MAPT: variants seen among roughly 807,000 people sequenced by gnomAD.
MAPT encodes microtubule associated protein tau, also known as microtubule-associated protein tau.
MAPT carries 34 observed loss-of-function variants against 67.9 expected under a neutral mutation model. The observed-to-expected ratio is 0.50, with a 90% confidence interval of 0.38 to 0.67. The LOEUF (loss-of-function observed/expected upper bound fraction) is 0.67. Ranked by LOEUF, MAPT falls within the 30% of genes least tolerant of loss-of-function variation. MAPT has a pLI of 0.00. For missense variants in MAPT, 881 were observed against 1,115.2 expected (o/e 0.79, Z 2.99); for synonymous variants, 456 against 464.5 (o/e 0.98, Z 0.23).
In MAPT at chr17:45,996,667, G is replaced by A; in HGVS notation, c.1998+3G>A. The A allele has an allele frequency of 1.9e-6, 3 of 1,613,608 alleles. No individual in the cohort carries two copies. Among genetic ancestry groups the A allele is most frequent in the South Asian group, 1.1e-5 (1 of 91,038 alleles). On this transcript the variant is annotated splice_donor_region_variant and intron_variant, in intron 9 of 12. Coordinates refer to ENST00000262410, the MANE Select transcript of MAPT (RefSeq NM_001377265.1). The surrounding 1 kb of genome is among the most constrained non-coding windows in gnomAD (Gnocchi z 4.5). The stretch of plus-strand genomic sequence containing the variant: ...AGCACCAGCCGGGAGGCGGGAAGGT[G>A]AGAGTGGCTGGCTGCGCGTGGAGGT...
Position 46,015,925 on chromosome 17 carries a change from C to T in MAPT, c.2173+1601C>T, listed in dbSNP as rs747282834. Among the ~76,000 whole-genome samples, 15 of 152,200 alleles carry T rather than the reference C, an allele frequency of 9.9e-5. 1 individual carries two copies. In the Middle Eastern group the frequency reaches 0.014, roughly 138 times the overall value. On this transcript the variant is annotated intron_variant, in intron 11 of 12. Transcript: ENST00000262410. ...GAGATGCTGGCCTTAACCCCTAACC[C>T]GTTGTTCTCCCTGCAAGCTGTCCAC...
intron 2 of MAPT, among the ~76,000 whole-genome samples, chr17:45,966,043 G>T (rs916806883): frequency 4.6e-5 from 7 of 152,216 alleles, no homozygotes; most frequent in African/African-American, 1.4e-4. Flanking sequence ...AAGCTCTCTT[G>T]GGTGGAATCC....
In MAPT at chr17:46,026,753, G is replaced by A. The variant is rs1256948808; in HGVS notation, c.*2582G>A. 1.3e-5 allele frequency: 2 copies of A among 152,436 alleles called. No individual in the cohort carries two copies. Among genetic ancestry groups the A allele is most frequent in the Non-Finnish European group, 2.9e-5 (2 of 68,192 alleles). 9.4% of individuals were successfully genotyped at this position (152,436 alleles called of 1,614,324 possible). On this transcript the variant is annotated 3_prime_UTR_variant, in exon 13 of 13. Transcript: ENST00000262410. ...GACACTGTTCCCAAAGCCTTGACCA[G>A]AGCACCTCAGCCCGCTGACCTTGCA...
At chr17:45,965,195 G>A (rs915837763) in intron 2 of MAPT, among the ~76,000 whole-genome samples, 6 of 151,998 alleles carry the variant, frequency 3.9e-5, no homozygotes, top group Non-Finnish European at 7.4e-5. Flanking sequence ...ACTTTGGGAG[G>A]CTAAGGTGGG....
chr17:45,959,795 AT>A (rs759337228), intron 1 of MAPT, among the ~76,000 whole-genome samples: 5 of 152,144 alleles, frequency 3.3e-5, no homozygotes, highest in African/African-American at 4.8e-5. Flanking sequence ...AAAAAAAATT[AT>A]GGACAAAGTT....
At chr17:45,944,522 T>C (rs1334924239) in intron 1 of MAPT, among the ~76,000 whole-genome samples, 2 of 152,150 alleles carry the variant, frequency 1.3e-5, no homozygotes, top group East Asian at 3.9e-4. Context: ...GAGTCCTGGC[T>C]TCATGGGTGA....
chr17:45,959,349 A>AT (rs2070119649), intron 1 of MAPT, among the ~76,000 whole-genome samples: 2 of 152,072 alleles, frequency 1.3e-5, no homozygotes, highest in Non-Finnish European at 2.9e-5. Flanking sequence ...AAGCACAAAA[A>AT]TTTTTTGGCA....
intron 9 of MAPT, among the ~76,000 whole-genome samples, chr17:46,001,805 T>A (rs1044989101): frequency 6.6e-6 from 1 of 152,078 alleles, no homozygotes; most frequent in African/African-American, 2.4e-5. Context: ...CAGGGGCAGG[T>A]GAGCAGAGAA....
intron 3 of MAPT, chr17:45,972,787 GC>G (rs1464876996): frequency 6.5e-6 from 1 of 153,690 alleles, no homozygotes; most frequent in African/African-American, 2.4e-5. Context: ...GGCCAAAAGG[GC>G]CCTGAAACTA....
chr17:45,996,729 G>A lies in MAPT; in HGVS notation c.1998+65G>A. On this transcript the variant is annotated intron_variant, in intron 9 of 12. Coordinates refer to ENST00000262410, the MANE Select transcript of MAPT (RefSeq NM_001377265.1). This position sits in a 1 kb window ranked among gnomAD's most constrained non-coding sequence, Gnocchi z 4.5. ...CGCCTGGAGGGGTAGGGCTGTGCCT[G>A]GAAGGGTAGGGCTGCGCCTGGAGGT... 11 of 1,590,656 alleles carry A rather than the reference G, an allele frequency of 6.9e-6. No homozygotes were observed. The highest frequency in any genetic ancestry group is 8.6e-6 in the Non-Finnish European group (10 of 1,167,954).
chr17:45,944,205 T>C (rs1248681051), intron 1 of MAPT, among the ~76,000 whole-genome samples: 1 of 152,216 alleles, frequency 6.6e-6, no homozygotes, highest in Non-Finnish European at 1.5e-5. Context: ...AAATGAAGAA[T>C]TGCAGTTCAG....
At chr17:45,904,607 G>A (rs541381077) in intron 1 of MAPT, among the ~76,000 whole-genome samples, 85 of 150,426 alleles carry the variant, frequency 5.7e-4, no homozygotes, top group Non-Finnish European at 9.4e-4. Flanking sequence ...CAGGAGGATC[G>A]CTTGAGCCCA....
intron 1 of MAPT, among the ~76,000 whole-genome samples, chr17:45,923,960 G>A (rs1360548392): frequency 6.6e-6 from 1 of 152,188 alleles, no homozygotes; most frequent in Non-Finnish European, 1.5e-5. Flanking sequence ...GAATTAAGAT[G>A]GGTAAAGTGC....
chr17:45,999,791 G>T (rs868349096), intron 9 of MAPT: 1 of 840,010 alleles, frequency 1.2e-6, no homozygotes, highest in African/African-American at 1.7e-5. Flanking sequence ...TTTGGGGGAC[G>T]AAGTGTGGAA....
rs887834741 is a variant in MAPT, at chr17:45,995,399, C to T, written c.1733-1000C>T. Among the ~76,000 whole-genome samples the T allele has an allele frequency of 2.6e-5, 4 of 152,202 alleles. No individual in the cohort carries two copies. The highest frequency in any genetic ancestry group is 1.9e-4 in the East Asian group (1 of 5,204). On this transcript the variant is annotated intron_variant, in intron 8 of 12. Coordinates refer to ENST00000262410, the MANE Select transcript of MAPT (RefSeq NM_001377265.1). This position sits in a 1 kb window ranked among gnomAD's most constrained non-coding sequence, Gnocchi z 4.3. Reference sequence around the variant, plus strand: ...TGCTCTATCCACTCTTGAAGGGGATCGAGAAATTTGCATTTTGCAACTCCC... The same window carrying T: ...TGCTCTATCCACTCTTGAAGGGGATTGAGAAATTTGCATTTTGCAACTCCC...
rs868169910 is a variant in MAPT, at chr17:45,999,393, G to A, written c.1998+2729G>A. On this transcript the variant is annotated intron_variant, in intron 9 of 12. Transcript: ENST00000262410. ...ATTTAACTCAGCCTCTGTGTGAGTG[G>A]ATGATTCAGGTTGCCAGAGACAGAA... 3.1e-6 allele frequency: 5 copies of A among 1,614,054 alleles called. No homozygotes were observed. The Middle Eastern group carries it at 4.9e-4, about 160-fold the overall frequency.
chr17:45,966,927 T>TAATA (rs1416513277), intron 2 of MAPT, among the ~76,000 whole-genome samples: 1 of 152,236 alleles, frequency 6.6e-6, no homozygotes, highest in Non-Finnish European at 1.5e-5. Context: ...AGAAAGCAAG[T>TAATA]AATACTTAAG....
Position 46,024,324 on chromosome 17 carries a change from G to A in MAPT, c.*153G>A. On this transcript the variant is annotated 3_prime_UTR_variant, in exon 13 of 13. Transcript: ENST00000262410. ...TCACTTAACCTGCTTTTGTCACTCG[G>A]CTTTGGCTCGGGACTTCAAAATCAG... The A allele has an allele frequency of 1.4e-6, 1 of 729,448 alleles. No homozygotes were observed. Among genetic ancestry groups the A allele is most frequent in the Non-Finnish European group, 2.4e-6 (1 of 421,214 alleles). The allele number at this position is 729,448 out of a possible 1,614,324, so 45.2% of individuals were successfully genotyped here. A position where few individuals can be genotyped will look rare whatever the true frequency, so the allele number is the denominator to read the frequency against.
intron 1 of MAPT, among the ~76,000 whole-genome samples, chr17:45,937,555 C>T (rs895436954): frequency 2.7e-5 from 4 of 148,386 alleles, no homozygotes; most frequent in Non-Finnish European, 5.9e-5. Context: ...TGCACCACTG[C>T]ACTCCAGCCT....
Sources: allele counts gnomAD v4.1 joint callset (sites outside exome capture counted in the v4.1 genomes callset), GRCh38; gene constraint gnomAD v4.1.1; non-coding constraint Gnocchi (gnomAD v3.1); transcripts MANE v1.5; gene names NCBI Gene and HGNC (gene_info 2026-07-23, HGNC 2026-07-21).